CHODL: variants seen among roughly 807,000 people sequenced by gnomAD.
The protein encoded by CHODL is chondrolectin.
In CHODL, 29 loss-of-function variants were observed where a neutral mutation model predicts 34.5. The observed-to-expected ratio is 0.84, with a 90% CI of 0.63 to 1.15. The LOEUF (loss-of-function observed/expected upper bound fraction) is 1.15, where lower values mean the gene tolerates loss of function less well. Among genes scored for constraint, CHODL ranks in the 50% most tolerant of loss-of-function variants. The pLI is 0.00. For missense variants in CHODL, 332 were observed against 332.5 expected (o/e 1.00, Z 0.01); for synonymous variants, 125 against 116.1 (o/e 1.08, Z -0.49).
intron 2 of CHODL, among the ~76,000 whole-genome samples, chr21:18,107,843 G>A (rs1338823252): frequency 6.6e-6 from 1 of 152,210 alleles, no homozygotes; most frequent in Admixed American, 6.5e-5. Context: ...CAATGACTAT[G>A]TGTGTGGATG....
At chr21:18,127,875 G>C (rs1057414260) in intron 2 of CHODL, among the ~76,000 whole-genome samples, 2 of 151,748 alleles carry the variant, frequency 1.3e-5, no homozygotes, top group African/African-American at 4.8e-5. Flanking sequence ...GTGGGACACC[G>C]TCAAACAGAC....
chr21:17,957,734 AAT>A (rs1195900943), intron 1 of CHODL, among the ~76,000 whole-genome samples: 1 of 151,328 alleles, frequency 6.6e-6, no homozygotes, highest in African/African-American at 2.4e-5. Flanking sequence ...TATAAAATAA[AAT>A]ATAAAAATAA....
At chr21:18,122,559 T>TA (rs2065493065) in intron 2 of CHODL, among the ~76,000 whole-genome samples, 1 of 151,988 alleles carries the variant, frequency 6.6e-6, no homozygotes, top group African/African-American at 2.4e-5. Context: ...TTTTTTTTTT[T>TA]ACTATTTTAA....
At chr21:17,952,483 A>G (rs999098434) in intron 1 of CHODL, among the ~76,000 whole-genome samples, 20 of 151,888 alleles carry the variant, frequency 1.3e-4, no homozygotes, top group African/African-American at 4.4e-4. Context: ...TTAACCAAAG[A>G]AAAAAAATCC....
intron 2 of CHODL, among the ~76,000 whole-genome samples, chr21:18,071,367 G>A (rs1322794758): frequency 2.0e-5 from 3 of 151,738 alleles, no homozygotes; most frequent in African/African-American, 4.8e-5. Context: ...GGCTGGTCTC[G>A]AACCCCTGAC....
At chr21:17,971,335 T>G (rs2146362650) in intron 1 of CHODL, among the ~76,000 whole-genome samples, 1 of 152,330 alleles carries the variant, frequency 6.6e-6, no homozygotes, top group South Asian at 2.1e-4. Context: ...GTTGAACTAA[T>G]TTACACTCCC....
chr21:17,994,563 C>T (rs1013061495), intron 1 of CHODL, among the ~76,000 whole-genome samples: 4 of 152,146 alleles, frequency 2.6e-5, no homozygotes, highest in Admixed American at 2.6e-4. Context: ...CACACGTGTC[C>T]TGATGGTAGT....
intron 2 of CHODL, among the ~76,000 whole-genome samples, chr21:18,073,724 C>A (rs1356555709): frequency 1.1e-4 from 17 of 151,874 alleles, no homozygotes; most frequent in African/African-American, 4.1e-4. Context: ...AAAAGATTAG[C>A]TTTATATTTT....
intron 2 of CHODL, among the ~76,000 whole-genome samples, chr21:18,228,588 G>A (rs1382450038): frequency 6.6e-6 from 1 of 152,110 alleles, no homozygotes; most frequent in Non-Finnish European, 1.5e-5. Flanking sequence ...AATTTGGCAT[G>A]GAAAGATGCT....
At chr21:18,201,937 T>C (rs1414459285) in intron 2 of CHODL, among the ~76,000 whole-genome samples, 1 of 151,784 alleles carries the variant, frequency 6.6e-6, no homozygotes, top group Admixed American at 6.6e-5. Flanking sequence ...CCTGAGTAGT[T>C]GGGACTACAG....
chr21:18,071,977 G>A (rs891584287), intron 2 of CHODL, among the ~76,000 whole-genome samples: 4 of 152,008 alleles, frequency 2.6e-5, no homozygotes, highest in Admixed American at 1.3e-4. Context: ...ATAGAATAGT[G>A]TAGTAACCTA....
chr21:17,955,500 C>T (rs1270076824), intron 1 of CHODL, among the ~76,000 whole-genome samples: 1 of 136,806 alleles, frequency 7.3e-6, no homozygotes, highest in Non-Finnish European at 1.7e-5. Flanking sequence ...CTTGGAAACA[C>T]CTTTAGTTTT....
intron 2 of CHODL, among the ~76,000 whole-genome samples, chr21:18,047,466 C>T (rs570812728): frequency 1.3e-5 from 2 of 151,852 alleles, no homozygotes; most frequent in African/African-American, 4.8e-5. Flanking sequence ...AAAATACATT[C>T]AATTCCTTTT....
chr21:18,178,145 A>G (rs558222579), intron 2 of CHODL, among the ~76,000 whole-genome samples: 1 of 152,304 alleles, frequency 6.6e-6, no homozygotes, highest in African/African-American at 2.4e-5. Flanking sequence ...ATTTTCTAAT[A>G]TAGTTCAAAT....
At chr21:18,227,174 G>A (rs1404915480) in intron 2 of CHODL, among the ~76,000 whole-genome samples, 2 of 152,124 alleles carry the variant, frequency 1.3e-5, no homozygotes, top group Non-Finnish European at 1.5e-5. Context: ...GAGGGCTTTG[G>A]CCTCATGACC....
rs151113139 is a variant in CHODL at position 18,086,411 on chromosome 21, G to T, written c.-45+58440G>T. 5.9e-3 allele frequency among the ~76,000 whole-genome samples: 900 copies of T among 152,084 alleles called. 1 individual carries two copies. Among genetic ancestry groups the T allele is most frequent in the Non-Finnish European group, 9.4e-3 (637 of 67,978 alleles). The stretch of plus-strand genomic sequence containing the variant: ...ATAATCATTGTAGTCCTTTGGTAGT[G>T]TCATATTTCTCTTTTTTTCATGTTT... On this transcript the variant is annotated intron_variant, in intron 2 of 6. Transcript: ENST00000400127.
At chr21:18,206,295 G>T (rs971153499) in intron 2 of CHODL, among the ~76,000 whole-genome samples, 4 of 152,068 alleles carry the variant, frequency 2.6e-5, no homozygotes, top group African/African-American at 9.7e-5. Context: ...AATAATATTT[G>T]CTTTGTATAT....
intron 2 of CHODL, among the ~76,000 whole-genome samples, chr21:18,215,886 A>T (rs952192420): frequency 1.4e-4 from 21 of 152,134 alleles, no homozygotes; most frequent in African/African-American, 5.1e-4. Context: ...CATGGGGAGG[A>T]TACAGTGACA....
At chr21:17,999,715 T>G (rs1419972993) in intron 1 of CHODL, among the ~76,000 whole-genome samples, 1 of 152,150 alleles carries the variant, frequency 6.6e-6, no homozygotes, top group Non-Finnish European at 1.5e-5. Context: ...CCAGCCCCCA[T>G]ATTCAATTAC....
Sources: gnomAD v4.1 joint callset for allele counts (sites outside exome capture counted in the v4.1 genomes callset) on GRCh38, gnomAD v4.1.1 for gene constraint, MANE v1.5 for transcripts, NCBI Gene and HGNC (gene_info 2026-07-23, HGNC 2026-07-21) for gene names.